ABCB1: variants seen among roughly 807,000 people sequenced by gnomAD.
ABCB1 encodes ATP binding cassette subfamily B member 1, also known as ATP-dependent translocase ABCB1.
In ABCB1, 69 loss-of-function variants were observed where a neutral mutation model predicts 142.0. The observed-to-expected ratio is 0.49, with a 90% CI of 0.40 to 0.59. The LOEUF (loss-of-function observed/expected upper bound fraction) is 0.59, where lower values mean the gene tolerates loss of function less well. Ranked by LOEUF, ABCB1 falls within the 20% of genes least tolerant of loss-of-function variation. ABCB1 has a pLI of 0.00. For missense variants in ABCB1, 1,326 were observed against 1,554.7 expected (o/e 0.85, Z 2.47); for synonymous variants, 532 against 539.2 (o/e 0.99, Z 0.18).
At chr7:87,595,385 C>T (rs187471482) in intron 3 of ABCB1, among the ~76,000 whole-genome samples, 296 of 152,066 alleles carry the variant, frequency 1.9e-3, no homozygotes, top group African/African-American at 6.9e-3. Flanking sequence ...ATAAATAATC[C>T]ATTGCTAACT....
intron 1 of ABCB1, among the ~76,000 whole-genome samples, chr7:87,678,264 T>C (rs949005413): frequency 6.6e-6 from 1 of 152,190 alleles, no homozygotes; most frequent in Non-Finnish European, 1.5e-5. Context: ...CTGACTCTAC[T>C]CTTGAAAGCA....
At chr7:87,620,573 G>C (rs954424008) in intron 1 of ABCB1, among the ~76,000 whole-genome samples, 6 of 152,106 alleles carry the variant, frequency 3.9e-5, no homozygotes, top group Non-Finnish European at 7.3e-5. Context: ...TGGTATTCCA[G>C]TATTTTAGTT....
At chr7:87,710,325 G>A (rs1169240659) in intron 1 of ABCB1, among the ~76,000 whole-genome samples, 2 of 151,960 alleles carry the variant, frequency 1.3e-5, no homozygotes, top group Non-Finnish European at 2.9e-5. Flanking sequence ...CAGTATTAAC[G>A]TTCTGTCCCT....
chr7:87,577,422 C>T (rs1047525519), intron 4 of ABCB1, among the ~76,000 whole-genome samples: 1 of 152,088 alleles, frequency 6.6e-6, no homozygotes, highest in African/African-American at 2.4e-5. Context: ...TTGAGTATTT[C>T]CCCAGCAGAG....
At chr7:87,686,169 T>A (rs1025723573) in intron 1 of ABCB1, among the ~76,000 whole-genome samples, 1 of 152,190 alleles carries the variant, frequency 6.6e-6, no homozygotes, top group African/African-American at 2.4e-5. Context: ...TTCTTACAAT[T>A]TTTCTATTCT....
intron 26 of ABCB1, 29 bp from the exon 27 acceptor site, chr7:87,506,072 G>A (rs1332902271): frequency 6.2e-7 from 1 of 1,609,488 alleles, no homozygotes; most frequent in Admixed American, 1.7e-5. Context: ...TGTTATGAAA[G>A]TAGAACTGAA....
chr7:87,545,096 T>G (rs1182903068), intron 15 of ABCB1, 97 bp from the exon 16 acceptor site: 1 of 1,124,450 alleles, frequency 8.9e-7, no homozygotes, highest in African/African-American at 1.5e-5. Context: ...AACAGCAATT[T>G]GTTTAGTAAC....
chr7:87,661,190 C>A (rs1285932145), intron 1 of ABCB1, among the ~76,000 whole-genome samples: 1 of 151,786 alleles, frequency 6.6e-6, no homozygotes, highest in Non-Finnish European at 1.5e-5. Context: ...TACAGGCACA[C>A]AATGTGTAAT....
chr7:87,584,585 C>CCAGAAATTACAT (rs1818653565), intron 4 of ABCB1, among the ~76,000 whole-genome samples: 2 of 151,936 alleles, frequency 1.3e-5, no homozygotes, highest in Admixed American at 1.3e-4. Flanking sequence ...GTATGTTACA[C>CCAGAAATTACAT]CCAGATTATT....
chr7:87,513,807 TATC>T (rs1224628478), intron 25 of ABCB1, among the ~76,000 whole-genome samples: 1 of 152,364 alleles, frequency 6.6e-6, no homozygotes, highest in Admixed American at 6.5e-5. Context: ...TGAGGGCAGA[TATC>T]ATGCCCTACA....
At position 87,566,837 on chromosome 7, in the gene ABCB1, T is replaced by C. The variant is rs1817802473; in HGVS notation, c.478A>G (p.Ile160Val). 6.2e-7 allele frequency: 1 copy of C among 1,614,170 alleles called. No homozygotes were observed. The highest frequency in any genetic ancestry group is 1.1e-5 in the South Asian group (1 of 91,084). The change falls in exon 6 of 28, where the codon ATA becomes GTA. Residue 160 changes from isoleucine to valine, a missense_variant. By Grantham distance (29) the Ile-to-Val change is conservative. Transcript: ENST00000622132. The stretch of plus-strand genomic sequence containing the variant: ...ACATCGTGCACATCAAACCAGCCTA[T>C]CTCCTGTCGCATTATAGCATGAAAA... Reference protein sequence around the residue: ...QFFHAIMRQEIGWFDVHDVGE... With the variant: ...QFFHAIMRQEVGWFDVHDVGE...
intron 21 of ABCB1, among the ~76,000 whole-genome samples, chr7:87,524,534 TG>T (rs1021549086): frequency 7.3e-4 from 104 of 143,296 alleles, no homozygotes; most frequent in Admixed American, 8.7e-4. Flanking sequence ...AACTGAACAA[TG>T]AGAACACATG....
At chr7:87,643,109 G>T (rs1049765517) in intron 1 of ABCB1, among the ~76,000 whole-genome samples, 1 of 152,118 alleles carries the variant, frequency 6.6e-6, no homozygotes, top group Non-Finnish European at 1.5e-5. Context: ...ATAGAGATGG[G>T]CTCTTGCTTT....
chr7:87,535,299 T>C (rs1816240841), intron 20 of ABCB1, among the ~76,000 whole-genome samples: 1 of 151,986 alleles, frequency 6.6e-6, no homozygotes, highest in Non-Finnish European at 1.5e-5. Flanking sequence ...ATGACTCTTC[T>C]TTTCACTCAC....
At position 87,503,814 on chromosome 7, in the gene ABCB1, C is replaced by A; in HGVS notation, c.*429G>T. 4 of 218,030 alleles carry A rather than the reference C, an allele frequency of 1.8e-5. No individual in the cohort carries two copies. Among genetic ancestry groups the A allele is most frequent in the Non-Finnish European group, 3.7e-5 (4 of 108,054 alleles). The allele number at this position is 218,030 out of a possible 1,614,324, so 13.5% of individuals were successfully genotyped here. On this transcript the variant is annotated 3_prime_UTR_variant, in exon 28 of 28. Transcript: ENST00000622132. ...AAAGCAGAAGTTATCTACAATATTC[C>A]AATTGAGAGAAGATATATTCACAGG...
At chr7:87,600,448 C>T (rs933469036) in intron 1 of ABCB1, among the ~76,000 whole-genome samples, 5 of 152,226 alleles carry the variant, frequency 3.3e-5, no homozygotes, top group African/African-American at 1.2e-4. Context: ...TTCTCCCTCC[C>T]GGTTCCAGTC....
chr7:87,687,325 G>A (rs1248665589), intron 1 of ABCB1, among the ~76,000 whole-genome samples: 1 of 152,008 alleles, frequency 6.6e-6, no homozygotes, highest in African/African-American at 2.4e-5. Flanking sequence ...TATCTGAATG[G>A]TTAACACCCT....
rs750466906 is a variant in ABCB1 at position 87,567,005 on chromosome 7, C to T, written c.339-29G>A. 6 of 1,601,286 alleles carry T rather than the reference C, an allele frequency of 3.7e-6. No homozygotes were observed. In the East Asian group the frequency reaches 1.3e-4, roughly 36 times the overall value. ...AAAAACAACAAGAACACTGCACATG[C>T]TCTCTGTTTCCTAATCAATGTACCT... On this transcript the variant is annotated intron_variant, in intron 5 of 27. Coordinates refer to ENST00000622132, the MANE Select transcript of ABCB1 (RefSeq NM_001348946.2).
intron 1 of ABCB1, among the ~76,000 whole-genome samples, chr7:87,698,507 G>A (rs527277156): frequency 1.1e-3 from 174 of 152,272 alleles, no homozygotes; most frequent in African/African-American, 4.1e-3. Flanking sequence ...AATATTTGAT[G>A]TTTGTAATCT....
Sources: allele counts gnomAD v4.1 joint callset (sites outside exome capture counted in the v4.1 genomes callset), GRCh38; gene constraint gnomAD v4.1.1; transcripts MANE v1.5; gene names NCBI Gene and HGNC (gene_info 2026-07-23, HGNC 2026-07-21).